LRRIQ1: variants seen among roughly 807,000 people sequenced by gnomAD.
The protein encoded by LRRIQ1 is leucine rich repeats and IQ motif containing 1.
In LRRIQ1, 210 loss-of-function variants were observed where a neutral mutation model predicts 211.9. That is an observed-to-expected ratio of 0.99 (90% CI 0.89 to 1.11). The LOEUF is 1.11. LRRIQ1 is among the 50% of genes most tolerant of loss of function. LRRIQ1 has a pLI of 0.00. For synonymous variants in LRRIQ1, 699 were observed against 650.1 expected, an observed-to-expected ratio of 1.08 and a Z score of -1.14; for missense variants, 2,136 against 1,939.5, an observed-to-expected ratio of 1.10 and a Z score of -1.90.
intron 11 of LRRIQ1, among the ~76,000 whole-genome samples, chr12:85,077,550 A>C (rs1050721581): frequency 6.6e-6 from 1 of 152,150 alleles, no homozygotes. Context: ...GGGAAAGAAT[A>C]ATTTTCTTAG....
chr12:85,067,441 T>A (rs576255116), intron 10 of LRRIQ1, among the ~76,000 whole-genome samples: 1 of 152,100 alleles, frequency 6.6e-6, no homozygotes, highest in Admixed American at 6.6e-5. Context: ...TATCTTATAA[T>A]TTGTATAGGT....
At chr12:85,158,315 G>A (rs1469051603) in intron 23 of LRRIQ1, among the ~76,000 whole-genome samples, 1 of 151,168 alleles carries the variant, frequency 6.6e-6, no homozygotes, top group Non-Finnish European at 1.5e-5. Context: ...GTAAATATAT[G>A]CTTATATTTG....
At chr12:85,200,387 T>C (rs369174514) in intron 24 of LRRIQ1, among the ~76,000 whole-genome samples, 1 of 152,018 alleles carries the variant, frequency 6.6e-6, no homozygotes, top group Non-Finnish European at 1.5e-5. Flanking sequence ...TAGGGTTTTC[T>C]AGCTATGAAA....
chr12:85,114,229 T>C (rs575164605), intron 15 of LRRIQ1, among the ~76,000 whole-genome samples: 7 of 152,182 alleles, frequency 4.6e-5, no homozygotes, highest in African/African-American at 1.7e-4. Flanking sequence ...AAATATCTGA[T>C]GGGTTGTTTT....
intron 10 of LRRIQ1, among the ~76,000 whole-genome samples, chr12:85,070,308 G>A (rs553787355): frequency 2.1e-4 from 32 of 151,868 alleles, no homozygotes; most frequent in Non-Finnish European, 3.5e-4. Context: ...TATAAAGCTC[G>A]CCATCAACCT....
In LRRIQ1 at chr12:85,044,912, A is replaced by T. The variant is rs1879354397; in HGVS notation, c.336+103A>T. On this transcript the variant is annotated intron_variant, in intron 4 of 26. Transcript: ENST00000393217. ...ACTGATTTTAAGTTCACTGATTTAA[A>T]TATTAAAAATTTAATTATTCTTAAG... 5 of 466,372 alleles carry T rather than the reference A, an allele frequency of 1.1e-5. No individual in the cohort carries two copies. In the Admixed American group the frequency reaches 2.0e-4, roughly 19 times the overall value. The allele number at this position is 466,372 out of a possible 1,614,324, so 28.9% of individuals were successfully genotyped here.
intron 1 of LRRIQ1, among the ~76,000 whole-genome samples, chr12:85,260,990 TAG>T (rs1242443503): frequency 6.6e-6 from 1 of 152,212 alleles, no homozygotes; most frequent in East Asian, 1.9e-4. Context: ...GACTGATTCA[TAG>T]AGAGTAGCTC....
intron 9 of LRRIQ1, 39 bp from the exon 10 acceptor site, chr12:85,066,709 C>A: frequency 2.6e-6 from 4 of 1,514,810 alleles, no homozygotes; most frequent in Non-Finnish European, 3.6e-6. Flanking sequence ...ATTAATAAGC[C>A]ATTGAAATAA....
intron 8 of LRRIQ1, among the ~76,000 whole-genome samples, chr12:85,061,976 A>G (rs1881862455): frequency 6.6e-6 from 1 of 151,732 alleles, no homozygotes; most frequent in Non-Finnish European, 1.5e-5. Context: ...TCTTTATATC[A>G]CCATGAACAC....
At chr12:85,113,911 G>T (rs1051397664) in intron 15 of LRRIQ1, among the ~76,000 whole-genome samples, 1 of 133,484 alleles carries the variant, frequency 7.5e-6, no homozygotes, top group Non-Finnish European at 1.7e-5. Context: ...TGAGTTTTGT[G>T]TGTGTGTGTG....
chr12:85,104,058 C>T lies in LRRIQ1; in HGVS notation c.3264C>T (p.Val1088=). 6.4e-7 allele frequency: 1 copy of T among 1,554,318 alleles called. No homozygotes were observed. The highest frequency in any genetic ancestry group is 8.7e-7 in the Non-Finnish European group (1 of 1,148,418). ...FHFVSLEKLD[V]SHNCLSDLKS... ...TTGTTTCATTGGAAAAGCTAGATGT[C>T]AGCCACAATTGTCTTTCTGGTAAGT... The change falls in exon 14 of 27, where the codon GTC becomes GTT. Residue 1088 remains valine, a synonymous_variant. Coordinates refer to ENST00000393217, the MANE Select transcript of LRRIQ1 (RefSeq NM_001079910.2).
chr12:85,217,245 A>G (rs951103843), intron 24 of LRRIQ1, among the ~76,000 whole-genome samples: 7 of 151,152 alleles, frequency 4.6e-5, no homozygotes, highest in African/African-American at 1.5e-4. Context: ...CATTTCTGTT[A>G]TATAGCTATG....
chr12:85,097,342 AG>A (rs748485845), intron 11 of LRRIQ1, among the ~76,000 whole-genome samples: 29 of 152,106 alleles, frequency 1.9e-4, no homozygotes, highest in Non-Finnish European at 4.0e-4. Context: ...GAGAAATAGC[AG>A]GGGGAACTGC....
intron 23 of LRRIQ1, among the ~76,000 whole-genome samples, chr12:85,159,040 C>A (rs1449969293): frequency 2.0e-5 from 3 of 151,728 alleles, no homozygotes; most frequent in Non-Finnish European, 4.4e-5. Flanking sequence ...TGAATTAATT[C>A]AAGATTAAAT....
intron 24 of LRRIQ1, among the ~76,000 whole-genome samples, chr12:85,203,260 T>A (rs1297332958): frequency 6.6e-6 from 1 of 152,120 alleles, no homozygotes; most frequent in Non-Finnish European, 1.5e-5. Flanking sequence ...GATTGTGAGG[T>A]TTCCCCAGCC....
rs115395676 is a variant in LRRIQ1, at chr12:85,155,646, T to C, written c.4720+1552T>C. On this transcript the variant is annotated intron_variant, in intron 23 of 26. Transcript: ENST00000393217. ...GATTCAGCCAATATTCAACAAATAA[T>C]TATGACATAGTTGTATTCAAGGAAT... 7.5e-3 allele frequency among the ~76,000 whole-genome samples: 1,134 copies of C among 151,780 alleles called. 18 individuals carry two copies. Among genetic ancestry groups the C allele is most frequent in the African/African-American group, 0.026 (1,066 of 41,508 alleles).
chr12:85,199,842 A>T (rs1893204707), intron 24 of LRRIQ1, among the ~76,000 whole-genome samples: 1 of 152,140 alleles, frequency 6.6e-6, no homozygotes, highest in South Asian at 2.1e-4. Context: ...AATTATGGGG[A>T]TTACAATTCA....
At chr12:85,125,516 T>G (rs4761119) in intron 17 of LRRIQ1, among the ~76,000 whole-genome samples, 1 of 151,954 alleles carries the variant, frequency 6.6e-6, no homozygotes, top group African/African-American at 2.4e-5. Flanking sequence ...TTTATCTTCT[T>G]TTATAAATTA....
intron 18 of LRRIQ1, among the ~76,000 whole-genome samples, chr12:85,131,198 G>A (rs1888733589): frequency 6.7e-6 from 1 of 150,294 alleles, no homozygotes; most frequent in Admixed American, 6.6e-5. Context: ...GGGCAACAGA[G>A]TGAGATTTTG....
Sources: allele counts gnomAD v4.1 joint callset (sites outside exome capture counted in the v4.1 genomes callset), GRCh38; gene constraint gnomAD v4.1.1; transcripts MANE v1.5; gene names NCBI Gene and HGNC (gene_info 2026-07-23, HGNC 2026-07-21).